MYO18B: variants seen among roughly 807,000 people sequenced by gnomAD.
MYO18B encodes the protein unconventional myosin-XVIIIb.
Under a neutral mutation model 273.0 loss-of-function variants are expected in MYO18B, and 204 were observed. The observed-to-expected ratio is 0.75, with a 90% CI of 0.67 to 0.84. The LOEUF (loss-of-function observed/expected upper bound fraction) is 0.84, where lower values mean the gene tolerates loss of function less well. Among genes scored for constraint, MYO18B ranks in the 40% least tolerant of loss-of-function variants. The pLI is 0.00. For synonymous variants in MYO18B, 1,330 were observed against 1,305.7 expected (o/e 1.02, Z -0.40); for missense variants, 3,212 against 3,287.6 (o/e 0.98, Z 0.56).
At chr22:25,982,791 A>G (rs997348246) in intron 39 of MYO18B, among the ~76,000 whole-genome samples, 4 of 152,234 alleles carry the variant, frequency 2.6e-5, no homozygotes, top group African/African-American at 9.6e-5. Context: ...TAAGATACTC[A>G]TATCTGCAAG....
chr22:25,923,610 A>G (rs2092379729), intron 34 of MYO18B, among the ~76,000 whole-genome samples: 1 of 152,174 alleles, frequency 6.6e-6, no homozygotes, highest in Non-Finnish European at 1.5e-5. Flanking sequence ...CTTTTGACTC[A>G]CATTGCGTCT....
At chr22:25,973,876 T>C (rs2093061429) in intron 39 of MYO18B, among the ~76,000 whole-genome samples, 1 of 152,206 alleles carries the variant, frequency 6.6e-6, no homozygotes, top group Admixed American at 6.5e-5. Flanking sequence ...CATCACATCA[T>C]TGTCACAAGG....
chr22:25,768,735 C>A lies in MYO18B; in HGVS notation c.819C>A (p.Pro273=). 1 of 1,598,142 alleles carries A rather than the reference C, an allele frequency of 6.3e-7. No individual in the cohort carries two copies. Among genetic ancestry groups the A allele is most frequent in the East Asian group, 2.2e-5 (1 of 44,466 alleles). Residue 273 remains proline, a synonymous_variant, in exon 4 of 44, where the codon CCC becomes CCA. Transcript: ENST00000335473. Reference sequence around the variant, plus strand: ...GGACCAGGCCCCAAGCCCAAGGGCCCGGCGAGGGGGTGCGACCAGGGAAAG... The same window carrying A: ...GGACCAGGCCCCAAGCCCAAGGGCCAGGCGAGGGGGTGCGACCAGGGAAAG... The part of the protein sequence containing the change: ...RQGTRPQAQG[P]GEGVRPGKAE...
chr22:25,906,662 C>A (rs1237845861), intron 31 of MYO18B, among the ~76,000 whole-genome samples: 1 of 152,054 alleles, frequency 6.6e-6, no homozygotes, highest in Non-Finnish European at 1.5e-5. Context: ...CTGCCTGAGA[C>A]TGGGTAATTT....
chr22:25,794,744 T>G (rs892327549), intron 11 of MYO18B, among the ~76,000 whole-genome samples: 1 of 152,100 alleles, frequency 6.6e-6, no homozygotes. Flanking sequence ...GACCTCATGA[T>G]CCATCCATCT....
In MYO18B at chr22:25,947,487, TACACACACACACACACACAC is replaced by T. The variant is rs57844236; in HGVS notation, c.5632-188_5632-169del. Among the ~76,000 whole-genome samples, 1,007 of 110,678 alleles carry T rather than the reference TACACACACACACACACACAC, an allele frequency of 9.1e-3. 20 individuals are homozygous for T. Among genetic ancestry groups the T allele is most frequent in the African/African-American group, 0.029 (853 of 28,936 alleles). 72.6% of individuals were successfully genotyped at this position (110,678 alleles called of 152,430 possible). A position where few individuals can be genotyped will look rare whatever the true frequency, so the allele number is the denominator to read the frequency against. ...ATTCATAGTCACATGTAATGCCTAA[TACACACACACACACACACAC>T]ACACACACACACACACACACACACA... On this transcript the variant is annotated intron_variant, in intron 35 of 43. Coordinates refer to ENST00000335473, the MANE Select transcript of MYO18B (RefSeq NM_032608.7).
intron 33 of MYO18B, among the ~76,000 whole-genome samples, chr22:25,918,361 A>T (rs2092292564): frequency 6.6e-6 from 1 of 152,232 alleles, no homozygotes; most frequent in African/African-American, 2.4e-5. Context: ...TGGTGAACCA[A>T]CTAAGGTTGG....
At chr22:25,841,409 G>T (rs1207980196) in intron 17 of MYO18B, among the ~76,000 whole-genome samples, 4 of 151,862 alleles carry the variant, frequency 2.6e-5, no homozygotes, top group Non-Finnish European at 5.9e-5. Context: ...TGAATGAGGG[G>T]AACAAGCAGG....
At chr22:25,884,554 C>T (rs1036377876) in intron 25 of MYO18B, among the ~76,000 whole-genome samples, 2 of 152,200 alleles carry the variant, frequency 1.3e-5, no homozygotes, top group Admixed American at 1.3e-4. Context: ...GTGGAAGAAA[C>T]TAAGGCCTCT....
intron 38 of MYO18B, among the ~76,000 whole-genome samples, chr22:25,954,740 C>G (rs902113339): frequency 1.3e-5 from 2 of 152,160 alleles, no homozygotes; most frequent in African/African-American, 4.8e-5. Context: ...GAGACAGGGT[C>G]TCTCTCTGTC....
the MYO18B span, among the ~76,000 whole-genome samples, chr22:26,048,014 G>A: frequency 4.0e-4 from 61 of 152,154 alleles, no homozygotes; most frequent in African/African-American, 1.4e-3. Context: ...TCTCATGGCC[G>A]GCTCCTTCTC....
At chr22:25,859,197 A>T (rs780649028) in intron 21 of MYO18B, among the ~76,000 whole-genome samples, 1 of 152,062 alleles carries the variant, frequency 6.6e-6, no homozygotes, top group Non-Finnish European at 1.5e-5. Flanking sequence ...TGCCTTAAAA[A>T]CCTCAAATAA....
At chr22:25,865,708 C>A (rs796103714) in intron 21 of MYO18B, among the ~76,000 whole-genome samples, 24 of 152,230 alleles carry the variant, frequency 1.6e-4, no homozygotes, top group African/African-American at 5.1e-4. Context: ...AGATCTGAAC[C>A]CAGATGGATC....
Position 25,881,300 on chromosome 22 carries a change from A to G in MYO18B, c.4314+3252A>G, listed in dbSNP as rs542304427. Among the ~76,000 whole-genome samples, 392 of 152,380 alleles carry G rather than the reference A, an allele frequency of 2.6e-3. 26 individuals carry two copies. The South Asian group carries it at 0.079, about 31-fold the overall frequency. ...GCTCCTTGCAGGAAGGACCACATCC[A>G]CACAAGAGTTAAGAGAGGCTGGGCT... is the stretch of plus-strand genomic sequence containing the variant. On this transcript the variant is annotated intron_variant, in intron 25 of 43. Coordinates refer to ENST00000335473, the MANE Select transcript of MYO18B (RefSeq NM_032608.7).
chr22:25,801,410 A>G (rs1051604608), intron 12 of MYO18B, among the ~76,000 whole-genome samples: 3 of 152,196 alleles, frequency 2.0e-5, no homozygotes, highest in Admixed American at 1.3e-4. Flanking sequence ...GGCAAGAGTC[A>G]GGAGTCAGCC....
chr22:25,929,237 G>C (rs568736293), intron 34 of MYO18B, among the ~76,000 whole-genome samples: 99 of 151,710 alleles, frequency 6.5e-4, no homozygotes, highest in African/African-American at 2.2e-3. Flanking sequence ...TCATTCACCG[G>C]TGTCAGCTAT....
intron 42 of MYO18B, among the ~76,000 whole-genome samples, chr22:26,013,631 A>T (rs1935084412): frequency 6.6e-6 from 1 of 152,244 alleles, no homozygotes; most frequent in African/African-American, 2.4e-5. Context: ...TTATGTAACC[A>T]TAAGCAGTGA....
At position 25,823,668 on chromosome 22, in the gene MYO18B, A is replaced by G. The variant is rs2089374035; in HGVS notation, c.2685A>G (p.Glu895=). The G allele has an allele frequency of 6.2e-7, 1 of 1,613,820 alleles. No homozygotes were observed. The highest frequency in any genetic ancestry group is 1.7e-5 in the Admixed American group (1 of 60,008). The part of the protein sequence containing the change: ...GPSRWGLEDE[E]TSSGLKMTGV... ...GCCGATGGGGCCTCGAGGATGAGGA[A>G]ACCAGCTCAGGTACATGGCTGCTGC... The change falls in exon 13 of 44, where the codon GAA becomes GAG. Residue 895 remains glutamate, a synonymous_variant. Transcript: ENST00000335473.
At chr22:25,992,919 CTGT>C (rs1424369911) in intron 40 of MYO18B, among the ~76,000 whole-genome samples, 1 of 152,136 alleles carries the variant, frequency 6.6e-6, no homozygotes, top group African/African-American at 2.4e-5. Flanking sequence ...TTTCTTAGGG[CTGT>C]TGTTGAGAGT....
Sources: gnomAD v4.1 joint callset for allele counts (sites outside exome capture counted in the v4.1 genomes callset) on GRCh38, gnomAD v4.1.1 for gene constraint, MANE v1.5 for transcripts, NCBI Gene and HGNC (gene_info 2026-07-23, HGNC 2026-07-21) for gene names.